Variants in CAMK4 observed in about 807,000 individuals in gnomAD.
CAMK4 encodes the protein calcium/calmodulin dependent protein kinase IV, also known as calcium/calmodulin-dependent protein kinase type IV.
CAMK4 carries 22 observed loss-of-function variants against 44.9 expected under a neutral mutation model. That is an observed-to-expected ratio of 0.49 (90% CI 0.35 to 0.70). CAMK4 has a LOEUF of 0.70. Among genes scored for constraint, CAMK4 ranks in the 30% least tolerant of loss-of-function variants. CAMK4 has a pLI of 0.01. For synonymous variants in CAMK4, 218 were observed against 215.4 expected (o/e 1.01, Z -0.11); for missense variants, 498 against 586.8 (o/e 0.85, Z 1.56).
chr5:111,289,402 T>C (rs1399492187), intron 1 of CAMK4, among the ~76,000 whole-genome samples: 6 of 152,174 alleles, frequency 3.9e-5, no homozygotes, highest in Admixed American at 3.9e-4. Flanking sequence ...CCAGCTTACA[T>C]AAGGGACCTT....
intron 5 of CAMK4, among the ~76,000 whole-genome samples, chr5:111,413,504 G>C (rs2112899744): frequency 6.6e-6 from 1 of 152,096 alleles, no homozygotes; most frequent in Admixed American, 6.5e-5. Context: ...TTGAACCCAG[G>C]AGGTGGAGGT....
Position 111,394,782 on chromosome 5 carries a change from T to C in CAMK4, c.459T>C (p.Ala153=), listed in dbSNP as rs756381289. The C allele has an allele frequency of 1.9e-6, 3 of 1,601,894 alleles. No homozygotes were observed. Among genetic ancestry groups the C allele is most frequent in the South Asian group, 1.1e-5 (1 of 90,806 alleles). Residue 153 remains alanine, a splice_region_variant and synonymous_variant, in exon 5 of 11, where the codon GCT becomes GCC. Coordinates refer to ENST00000282356, the MANE Select transcript of CAMK4 (RefSeq NM_001744.6). The part of the protein sequence containing the change: ...DAVKQILEAV[A]YLHENGIVHR... Reference sequence around the variant, plus strand: ...TTAAACAAATCCTGGAGGCAGTTGCTGTAAGTATGAAGTAACAGCAATGGT... The same window carrying C: ...TTAAACAAATCCTGGAGGCAGTTGCCGTAAGTATGAAGTAACAGCAATGGT...
intron 1 of CAMK4, among the ~76,000 whole-genome samples, chr5:111,333,180 T>C (rs952034352): frequency 1.3e-5 from 2 of 151,168 alleles, no homozygotes; most frequent in African/African-American, 4.9e-5. Flanking sequence ...TAGTAGATGG[T>C]ATGGAATAGA....
At chr5:111,403,216 T>G (rs1018599070) in intron 5 of CAMK4, among the ~76,000 whole-genome samples, 4 of 151,978 alleles carry the variant, frequency 2.6e-5, no homozygotes, top group Admixed American at 6.5e-5. Flanking sequence ...ACAATGAAGT[T>G]TAAGGGTTTT....
intron 5 of CAMK4, among the ~76,000 whole-genome samples, chr5:111,435,790 A>G (rs1042447472): frequency 1.3e-5 from 2 of 152,180 alleles, no homozygotes; most frequent in Non-Finnish European, 2.9e-5. Flanking sequence ...CATAGCCTCC[A>G]TTCCTAAATT....
At chr5:111,462,438 C>A (rs2112468960) in intron 7 of CAMK4, among the ~76,000 whole-genome samples, 1 of 152,302 alleles carries the variant, frequency 6.6e-6, no homozygotes, top group East Asian at 1.9e-4. Context: ...CCTAGCACCT[C>A]CAAGTATAGT....
At chr5:111,451,238 CT>C (rs60578272) in intron 7 of CAMK4, among the ~76,000 whole-genome samples, 73,972 of 151,808 alleles carry the variant, frequency 0.49, 18,189 homozygotes, top group Middle Eastern at 0.58. Flanking sequence ...TTTCCCTGTA[CT>C]ATAGGGAAAT....
intron 1 of CAMK4, among the ~76,000 whole-genome samples, chr5:111,262,004 T>G (rs768265920): frequency 6.6e-6 from 1 of 152,090 alleles, no homozygotes; most frequent in Non-Finnish European, 1.5e-5. Context: ...AGTTTAATAC[T>G]TTTGAGGTCT....
At chr5:111,320,164 G>A (rs1039227547) in intron 1 of CAMK4, among the ~76,000 whole-genome samples, 4 of 152,196 alleles carry the variant, frequency 2.6e-5, no homozygotes, top group African/African-American at 9.6e-5. Flanking sequence ...TACTGCTAGG[G>A]AGAAAAGGGA....
chr5:111,331,071 T>G (rs1449150281), intron 1 of CAMK4, among the ~76,000 whole-genome samples: 1 of 151,686 alleles, frequency 6.6e-6, no homozygotes, highest in Non-Finnish European at 1.5e-5. Flanking sequence ...AATGATTTCT[T>G]AGAACACAAA....
At chr5:111,437,828 C>A (rs1489223868) in intron 5 of CAMK4, among the ~76,000 whole-genome samples, 1 of 152,124 alleles carries the variant, frequency 6.6e-6, no homozygotes, top group Non-Finnish European at 1.5e-5. Flanking sequence ...GGAACCAGAT[C>A]ACCAAGACCT....
chr5:111,380,099 G>C (rs569904824), intron 4 of CAMK4, among the ~76,000 whole-genome samples: 6 of 152,056 alleles, frequency 3.9e-5, no homozygotes, highest in Non-Finnish European at 8.8e-5. Flanking sequence ...TTGAATTATT[G>C]AAATGGACAA....
At chr5:111,273,735 A>G (rs1580515115) in intron 1 of CAMK4, among the ~76,000 whole-genome samples, 1 of 137,054 alleles carries the variant, frequency 7.3e-6, no homozygotes, top group Non-Finnish European at 1.6e-5. Context: ...ACATACATAC[A>G]CACACACACG....
chr5:111,321,994 T>A lies in CAMK4; in HGVS notation c.162-22030T>A, dbSNP rs529918205. On this transcript the variant is annotated intron_variant, in intron 1 of 10. Transcript: ENST00000282356. ...TCAAATTCAATAAGGTGATAAAAAT[T>A]AAGACTATGGGGGAGGACTTCTGCT... Among the ~76,000 whole-genome samples the A allele has an allele frequency of 2.0e-5, 3 of 152,162 alleles. No homozygotes were observed. The East Asian group carries it at 5.8e-4, about 30-fold the overall frequency.
intron 1 of CAMK4, among the ~76,000 whole-genome samples, chr5:111,297,854 CT>C (rs1440403890): frequency 6.6e-6 from 1 of 152,142 alleles, no homozygotes; most frequent in Non-Finnish European, 1.5e-5. Flanking sequence ...ATTCTGGTGC[CT>C]TTTACCTGTA....
chr5:111,492,961 A>AAT lies in CAMK4; in HGVS notation c.*8496_*8497dup, dbSNP rs1755908952. The AAT allele has an allele frequency of 6.6e-6, 1 of 152,234 alleles. No individual in the cohort carries two copies. The highest frequency in any genetic ancestry group is 2.4e-5 in the African/African-American group (1 of 41,454). The allele number at this position is 152,234 out of a possible 1,614,324, so 9.4% of individuals were successfully genotyped here. On this transcript the variant is annotated 3_prime_UTR_variant, in exon 11 of 11. Coordinates refer to ENST00000282356, the MANE Select transcript of CAMK4 (RefSeq NM_001744.6). ...ACAGGCTGTATGTGAAAGATGGGTG[A>AAT]ATCTTTGCAGGTAGGGAAGAAGTAG... is the stretch of plus-strand genomic sequence containing the variant.
intron 7 of CAMK4, among the ~76,000 whole-genome samples, chr5:111,472,184 T>C (rs1320808219): frequency 6.6e-6 from 1 of 152,108 alleles, no homozygotes; most frequent in African/African-American, 2.4e-5. Context: ...TGTGAGCCAC[T>C]GTGCCCAGCC....
At chr5:111,444,309 T>C (rs986042870) in intron 5 of CAMK4, among the ~76,000 whole-genome samples, 2 of 152,214 alleles carry the variant, frequency 1.3e-5, no homozygotes, top group South Asian at 2.1e-4. Flanking sequence ...GTTAGAGCTG[T>C]TGTGAAGATT....
chr5:111,284,527 G>T (rs1477786317), intron 1 of CAMK4, among the ~76,000 whole-genome samples: 2 of 152,090 alleles, frequency 1.3e-5, no homozygotes, highest in Non-Finnish European at 2.9e-5. Flanking sequence ...TAGAAGCCTT[G>T]TCTGGCTCTG....
Sources: allele counts gnomAD v4.1 joint callset (sites outside exome capture counted in the v4.1 genomes callset), GRCh38; gene constraint gnomAD v4.1.1; transcripts MANE v1.5; gene names NCBI Gene and HGNC (gene_info 2026-07-23, HGNC 2026-07-21).